DGKB: variants seen among roughly 807,000 people sequenced by gnomAD.
DGKB encodes diacylglycerol kinase beta, also known as 90 kDa diacylglycerol kinase.
In DGKB, 67 loss-of-function variants were observed where a neutral mutation model predicts 114.3. The observed-to-expected ratio is 0.59, with a 90% CI of 0.48 to 0.72. DGKB has a LOEUF of 0.72. DGKB is among the 30% of genes least tolerant of loss of function. The probability of loss-of-function intolerance (pLI) is 0.00; values close to 1 mark genes in which losing one functional copy is unlikely to be tolerated. For synonymous variants in DGKB, 398 were observed against 323.1 expected (o/e 1.23, Z -2.49); for missense variants, 907 against 975.2 (o/e 0.93, Z 0.93).
At chr7:14,568,909 G>T (rs2128696979) in intron 20 of DGKB, among the ~76,000 whole-genome samples, 1 of 152,232 alleles carries the variant, frequency 6.6e-6, no homozygotes, top group Non-Finnish European at 1.5e-5. Context: ...ACAGCAGAAG[G>T]GTTCCTAAAG....
intron 1 of DGKB, among the ~76,000 whole-genome samples, chr7:14,862,311 G>C (rs1300501456): frequency 6.6e-6 from 1 of 151,974 alleles, no homozygotes; most frequent in Non-Finnish European, 1.5e-5. Context: ...GTACATGATA[G>C]GGACACTAAA....
At chr7:14,802,872 T>G (rs187756749) in intron 2 of DGKB, among the ~76,000 whole-genome samples, 5 of 152,284 alleles carry the variant, frequency 3.3e-5, no homozygotes, top group African/African-American at 1.2e-4. Context: ...TATGTTCACA[T>G]AGAGAATGCT....
chr7:14,797,476 A>G (rs2128038567), intron 2 of DGKB, among the ~76,000 whole-genome samples: 1 of 152,312 alleles, frequency 6.6e-6, no homozygotes, highest in Non-Finnish European at 1.5e-5. Flanking sequence ...AAATATAAGG[A>G]TAACTGAAAA....
intron 5 of DGKB, 138 bp from the exon 6 acceptor site, chr7:14,718,823 A>AGATC (rs1182478675): frequency 1.6e-6 from 1 of 634,470 alleles, no homozygotes; most frequent in Non-Finnish European, 2.7e-6. Flanking sequence ...ATTCTCTGTA[A>AGATC]GATCGGTACA....
intron 20 of DGKB, among the ~76,000 whole-genome samples, chr7:14,495,325 G>A (rs974450976): frequency 2.0e-5 from 3 of 151,732 alleles, no homozygotes; most frequent in Admixed American, 6.6e-5. Flanking sequence ...CTTTAAAAGG[G>A]TATGTTTCTC....
intron 2 of DGKB, among the ~76,000 whole-genome samples, chr7:14,767,849 T>A (rs1480484282): frequency 6.6e-6 from 1 of 152,012 alleles, no homozygotes; most frequent in African/African-American, 2.4e-5. Context: ...AACTTCATTT[T>A]ATTTTTTTTA....
Position 14,261,384 on chromosome 7 carries a change from C to A in DGKB, c.2122+77131G>T, listed in dbSNP as rs146497032. Reference sequence around the variant, plus strand: ...TCTTCATATTTTTATGCAGAAATACCTAAGTGTTGGCATAGATCATTCCAA... The same window carrying A: ...TCTTCATATTTTTATGCAGAAATACATAAGTGTTGGCATAGATCATTCCAA... On this transcript the variant is annotated intron_variant, in intron 23 of 25. Transcript: ENST00000402815. Among the ~76,000 whole-genome samples the A allele has an allele frequency of 6.6e-5, 10 of 151,988 alleles. No homozygotes were observed. In the East Asian group the frequency reaches 1.4e-3, roughly 21 times the overall value.
intron 22 of DGKB, among the ~76,000 whole-genome samples, chr7:14,342,913 T>C (rs942590838): frequency 6.6e-6 from 1 of 151,852 alleles, no homozygotes; most frequent in Admixed American, 6.6e-5. Flanking sequence ...CAATAAAACA[T>C]GTATCTATTG....
At chr7:14,433,701 T>C (rs1828825524) in intron 21 of DGKB, among the ~76,000 whole-genome samples, 1 of 152,100 alleles carries the variant, frequency 6.6e-6, no homozygotes, top group South Asian at 2.1e-4. Context: ...CCAAGCAAAA[T>C]AGTCAATTAA....
At chr7:14,752,087 C>T (rs1834208024) in intron 4 of DGKB, among the ~76,000 whole-genome samples, 1 of 152,068 alleles carries the variant, frequency 6.6e-6, no homozygotes, top group Non-Finnish European at 1.5e-5. Context: ...TGTCCAAGAT[C>T]CGTTAAGATG....
chr7:14,922,462 T>C (rs1784557394), intron 1 of DGKB, among the ~76,000 whole-genome samples: 1 of 151,470 alleles, frequency 6.6e-6, no homozygotes, highest in South Asian at 2.1e-4. Flanking sequence ...AAAATAAATA[T>C]TGTCATACTA....
intron 2 of DGKB, among the ~76,000 whole-genome samples, chr7:14,786,598 G>A (rs111726072): frequency 1.1e-3 from 168 of 152,316 alleles, no homozygotes; most frequent in African/African-American, 3.8e-3. Context: ...GCACAGCTGC[G>A]GACACTGTGC....
intron 1 of DGKB, among the ~76,000 whole-genome samples, chr7:14,932,579 G>A (rs953526742): frequency 1.3e-5 from 2 of 152,078 alleles, no homozygotes; most frequent in African/African-American, 4.8e-5. Context: ...ACCCCTATGG[G>A]CAAAATATCT....
At chr7:14,745,357 C>T (rs1006699045) in intron 4 of DGKB, among the ~76,000 whole-genome samples, 1 of 152,152 alleles carries the variant, frequency 6.6e-6, no homozygotes, top group East Asian at 1.9e-4. Flanking sequence ...GAGCAGGAAG[C>T]AGTTAAGATC....
At chr7:14,395,059 A>T (rs567521010) in intron 21 of DGKB, among the ~76,000 whole-genome samples, 1 of 152,130 alleles carries the variant, frequency 6.6e-6, no homozygotes, top group Non-Finnish European at 1.5e-5. Flanking sequence ...ACTCCTAATC[A>T]ACATATTATC....
chr7:14,809,016 T>C (rs1046610759), intron 2 of DGKB, among the ~76,000 whole-genome samples: 3 of 152,164 alleles, frequency 2.0e-5, no homozygotes, highest in African/African-American at 7.2e-5. Flanking sequence ...GCATTTATTT[T>C]TAACAGAGGT....
intron 4 of DGKB, among the ~76,000 whole-genome samples, chr7:14,750,714 C>A (rs1051368027): frequency 6.6e-6 from 1 of 151,666 alleles, no homozygotes; most frequent in Admixed American, 6.6e-5. Flanking sequence ...ACATTCTAAG[C>A]CTTTTTACCA....
At chr7:14,871,245 C>A (rs1015885615) in intron 1 of DGKB, among the ~76,000 whole-genome samples, 1 of 152,148 alleles carries the variant, frequency 6.6e-6, no homozygotes, top group Admixed American at 6.6e-5. Context: ...TGTATCATTT[C>A]TTTGTATTGA....
rs374053467 is a variant in DGKB at position 14,154,155 on chromosome 7, A to T, written c.2305-4917T>A. On this transcript the variant is annotated intron_variant, in intron 25 of 25. Transcript: ENST00000402815. ...ACAAAAGGAGTGTGGATAATAGATA[A>T]ATTGATATGGTAGAGTTTTGTCTTT... 7.3e-5 allele frequency among the ~76,000 whole-genome samples: 11 copies of T among 149,776 alleles called. No homozygotes were observed. In the East Asian group the frequency reaches 2.2e-3, roughly 30 times the overall value.
Sources: gnomAD v4.1 joint callset for allele counts (sites outside exome capture counted in the v4.1 genomes callset) on GRCh38, gnomAD v4.1.1 for gene constraint, MANE v1.5 for transcripts, NCBI Gene and HGNC (gene_info 2026-07-23, HGNC 2026-07-21) for gene names.